NEO1: variants seen among roughly 807,000 people sequenced by gnomAD.
NEO1 encodes the protein neogenin 1, also known as neogenin.
In NEO1, 63 loss-of-function variants were observed where a neutral mutation model predicts 159.7. The observed-to-expected ratio is 0.39, with a 90% CI of 0.32 to 0.49. The LOEUF (loss-of-function observed/expected upper bound fraction) is 0.49, where lower values mean the gene tolerates loss of function less well. Ranked by LOEUF, NEO1 falls within the 20% of genes least tolerant of loss-of-function variation. NEO1 has a pLI of 0.85. For missense variants in NEO1, 1,615 were observed against 1,831.0 expected, an observed-to-expected ratio of 0.88 and a Z score of 2.15; for synonymous variants, 633 against 662.0, an observed-to-expected ratio of 0.96 and a Z score of 0.67.
chr15:73,220,911 C>T (rs2038213006), intron 7 of NEO1, among the ~76,000 whole-genome samples: 1 of 152,172 alleles, frequency 6.6e-6, no homozygotes, highest in African/African-American at 2.4e-5. Flanking sequence ...CGTCTGAAGC[C>T]TTCTTCTCTC....
chr15:73,279,709 T>A (rs1244098737), intron 22 of NEO1, among the ~76,000 whole-genome samples: 1 of 151,482 alleles, frequency 6.6e-6, no homozygotes, highest in Non-Finnish European at 1.5e-5. Flanking sequence ...GCAAGAGGAG[T>A]TAATAACAAA....
chr15:73,058,211 AC>A (rs2067809303), intron 1 of NEO1, among the ~76,000 whole-genome samples: 1 of 152,242 alleles, frequency 6.6e-6, no homozygotes, highest in Non-Finnish European at 1.5e-5. Context: ...AGTAGTAGTT[AC>A]AGAACACTCC....
intron 4 of NEO1, among the ~76,000 whole-genome samples, chr15:73,131,347 G>A (rs79750099): frequency 2.6e-5 from 4 of 152,292 alleles, no homozygotes; most frequent in East Asian, 1.9e-4. Context: ...AAATCTCAAC[G>A]AAGAAAGAGG....
At chr15:73,110,968 C>A (rs548966321) in intron 1 of NEO1, among the ~76,000 whole-genome samples, 55 of 152,084 alleles carry the variant, frequency 3.6e-4, no homozygotes, top group Non-Finnish European at 6.8e-4. Context: ...TCCACCACCA[C>A]CAACAAAATT....
chr15:73,194,505 A>G lies in NEO1; in HGVS notation c.1291+16078A>G, dbSNP rs558209294. ...GGCAAAATGGGAGCAGGCATGTCAC[A>G]TGGTGAGAGAGGAGGAGGTTCCAGG... On this transcript the variant is annotated intron_variant, in intron 7 of 28. Coordinates refer to ENST00000261908, the MANE Select transcript of NEO1 (RefSeq NM_002499.4). Among the ~76,000 whole-genome samples the G allele has an allele frequency of 4.6e-5, 7 of 152,312 alleles. No homozygotes were observed. The South Asian group carries it at 8.3e-4, about 18-fold the overall frequency.
chr15:73,079,182 C>G (rs1046701626), intron 1 of NEO1, among the ~76,000 whole-genome samples: 1 of 152,126 alleles, frequency 6.6e-6, no homozygotes, highest in African/African-American at 2.4e-5. Flanking sequence ...ATCCTTAGCT[C>G]CAAAGAGCAG....
chr15:73,087,368 T>G (rs965644862), intron 1 of NEO1, among the ~76,000 whole-genome samples: 2 of 152,212 alleles, frequency 1.3e-5, no homozygotes, highest in African/African-American at 4.8e-5. Flanking sequence ...TGGCTTAATA[T>G]TCCTTTTATT....
intron 7 of NEO1, among the ~76,000 whole-genome samples, chr15:73,193,369 G>C (rs1371188357): frequency 6.6e-6 from 1 of 151,838 alleles, no homozygotes; most frequent in Non-Finnish European, 1.5e-5. Context: ...TAAGTGACTT[G>C]CCATAAAATA....
intron 1 of NEO1, among the ~76,000 whole-genome samples, chr15:73,109,405 C>T (rs1051918191): frequency 6.6e-6 from 1 of 152,126 alleles, no homozygotes; most frequent in Non-Finnish European, 1.5e-5. Flanking sequence ...AACTAGCACA[C>T]AAGGGCTAGG....
At chr15:73,273,220 C>T (rs1180268066) in intron 19 of NEO1, among the ~76,000 whole-genome samples, 4 of 152,084 alleles carry the variant, frequency 2.6e-5, no homozygotes, top group South Asian at 4.1e-4. Context: ...CTTCCTTTGG[C>T]GCCTCTGGCC....
chr15:73,084,688 G>A (rs1053467945), intron 1 of NEO1, among the ~76,000 whole-genome samples: 1 of 152,010 alleles, frequency 6.6e-6, no homozygotes, highest in African/African-American at 2.4e-5. Flanking sequence ...TGGATCATAG[G>A]GAAGTTTTAT....
At position 73,056,979 on chromosome 15, in the gene NEO1, A is replaced by T. The variant is rs947028501; in HGVS notation, c.130+4174A>T. On this transcript the variant is annotated intron_variant, in intron 1 of 28. Transcript: ENST00000261908. ...ACTGATTTTCATAAACTGTATGAAA[A>T]TTAATACATGATGTGAGATAGTGAA... Among the ~76,000 whole-genome samples, 3 of 152,324 alleles carry T rather than the reference A, an allele frequency of 2.0e-5. No homozygotes were observed. The South Asian group carries it at 6.2e-4, about 32-fold the overall frequency.
chr15:73,072,037 G>T (rs558051457), intron 1 of NEO1, among the ~76,000 whole-genome samples: 42 of 152,092 alleles, frequency 2.8e-4, no homozygotes, highest in African/African-American at 9.9e-4. Context: ...TGCAACCTCC[G>T]CCTCCCAGGT....
chr15:73,270,138 G>A lies in NEO1; in HGVS notation c.2623G>A (p.Ala875Thr). 6.2e-7 allele frequency: 1 copy of A among 1,614,128 alleles called. No homozygotes were observed. Among genetic ancestry groups the A allele is most frequent in the Non-Finnish European group, 8.5e-7 (1 of 1,180,034 alleles). Residue 875 changes from alanine (A) to threonine (T), a missense_variant, in exon 17 of 29, where the codon GCA (alanine) becomes ACA (threonine). Ala to Thr is a moderately conservative substitution (Grantham distance 58). Coordinates refer to ENST00000261908, the MANE Select transcript of NEO1 (RefSeq NM_002499.4). ...LSHDTIRITW[A>T]DNSLPKHQKI... ...TCATGACACCATCAGGATTACGTGG[G>A]CAGACAACTCGCTGCCCAAGCACCA...
intron 7 of NEO1, among the ~76,000 whole-genome samples, chr15:73,200,054 A>G (rs1482759723): frequency 2.0e-5 from 3 of 152,324 alleles, no homozygotes; most frequent in African/African-American, 7.2e-5. Context: ...CTGGCTTTAT[A>G]GAATGAGGAA....
chr15:73,188,439 G>A (rs1369810024), intron 7 of NEO1, among the ~76,000 whole-genome samples: 1 of 152,080 alleles, frequency 6.6e-6, no homozygotes, highest in African/African-American at 2.4e-5. Context: ...CATTACAGGG[G>A]TTCAAAGGCA....
At chr15:73,173,983 C>T (rs910508913) in intron 5 of NEO1, among the ~76,000 whole-genome samples, 1 of 151,480 alleles carries the variant, frequency 6.6e-6, no homozygotes, top group African/African-American at 2.4e-5. Context: ...GTCTGTAATC[C>T]CGGCTACTTG....
chr15:73,289,365 C>A, intron 25 of NEO1, 127 bp downstream of exon 25: 1 of 790,208 alleles, frequency 1.3e-6, no homozygotes, highest in Non-Finnish European at 2.1e-6. Flanking sequence ...GCTTTGACAC[C>A]TTGAAGGAGG....
chr15:73,204,705 C>T (rs1459605911), intron 7 of NEO1, among the ~76,000 whole-genome samples: 1 of 152,158 alleles, frequency 6.6e-6, no homozygotes, highest in African/African-American at 2.4e-5. Flanking sequence ...GCATTCTAGT[C>T]ATAGTTATTT....
Sources: allele counts gnomAD v4.1 joint callset (sites outside exome capture counted in the v4.1 genomes callset), GRCh38; gene constraint gnomAD v4.1.1; transcripts MANE v1.5; gene names NCBI Gene and HGNC (gene_info 2026-07-23, HGNC 2026-07-21).